The following SEZ6 variants were observed in gnomAD, a reference collection of about 807,000 sequenced individuals.
SEZ6 encodes seizure related 6 homolog, also known as seizure protein 6 homolog.
A neutral mutation model predicts 101.0 loss-of-function variants in SEZ6; 53 were observed. The observed-to-expected ratio is 0.52, with a 90% CI of 0.42 to 0.66. The LOEUF (loss-of-function observed/expected upper bound fraction) is 0.66. Among genes scored for constraint, SEZ6 ranks in the 30% least tolerant of loss-of-function variants. SEZ6 has a pLI of 0.00. For missense variants in SEZ6, 1,102 were observed against 1,289.4 expected, an observed-to-expected ratio of 0.85 and a Z score of 2.23; for synonymous variants, 488 against 512.2, an observed-to-expected ratio of 0.95 and a Z score of 0.64.
At chr17:28,964,966 G>A (rs1395400510) in intron 4 of SEZ6, among the ~76,000 whole-genome samples, 1 of 152,114 alleles carries the variant, frequency 6.6e-6, no homozygotes, top group Admixed American at 6.5e-5. Context: ...TGAGGCAGGA[G>A]AATCGCTTGA....
At position 28,957,172 on chromosome 17, in the gene SEZ6, T is replaced by C. The variant is rs1567980698; in HGVS notation, c.2565A>G (p.Leu855=). The C allele has an allele frequency of 6.2e-7, 1 of 1,613,934 alleles. No individual in the cohort carries two copies. Among genetic ancestry groups the C allele is most frequent in the Non-Finnish European group, 8.5e-7 (1 of 1,179,858 alleles). ...ENGARSPEKQ[L]HPAGATIHFS... ...AGTGGATGGTGGCCCCTGCTGGGTG[T>C]AGCTGCTTCTCAGGACTTCGGGCAC... The change falls in exon 13 of 17, where the codon CTA becomes CTG. Residue 855 remains leucine (L), a synonymous_variant. Coordinates refer to ENST00000317338, the MANE Select transcript of SEZ6 (RefSeq NM_178860.5).
chr17:28,998,857 G>A (rs1326068871), intron 1 of SEZ6, among the ~76,000 whole-genome samples: 2 of 152,226 alleles, frequency 1.3e-5, no homozygotes, highest in Non-Finnish European at 2.9e-5. Flanking sequence ...GAGGCCTTGA[G>A]CGGTCCCTGG....
intron 1 of SEZ6, among the ~76,000 whole-genome samples, chr17:29,000,316 G>A (rs1366453177): frequency 1.3e-5 from 2 of 152,168 alleles, no homozygotes; most frequent in Admixed American, 6.5e-5. Context: ...CTACTTACTG[G>A]CTGTACAGCC....
At position 28,956,761 on chromosome 17, in the gene SEZ6, G is replaced by C; in HGVS notation, c.2693-4C>G. On this transcript the variant is annotated splice_region_variant and splice_polypyrimidine_tract_variant and intron_variant, in intron 13 of 16. Transcript: ENST00000317338. ...TTGTAGAACCCATCCAGAGAGGCTG[G>C]AACAAAAGGGGAGGGCCAAGGGCAG... The C allele has an allele frequency of 6.4e-7, 1 of 1,562,290 alleles. No individual in the cohort carries two copies. The highest frequency in any genetic ancestry group is 1.2e-5 in the South Asian group (1 of 84,574).
rs2041023774 is a variant in SEZ6, at chr17:28,963,950, C to T, written c.1240+12G>A. 1 of 1,521,946 alleles carries T rather than the reference C, an allele frequency of 6.6e-7. No homozygotes were observed. Among genetic ancestry groups the T allele is most frequent in the East Asian group, 2.3e-5 (1 of 43,512 alleles). The allele number at this position is 1,521,946 out of a possible 1,614,324, so 94.3% of individuals were successfully genotyped here. On this transcript the variant is annotated intron_variant, in intron 5 of 16. Transcript: ENST00000317338. ...TCTGCTCAGCACTGAGCCCTTTCCC[C>T]TGGGCACTCACCGATGCAGACGGGC...
intron 1 of SEZ6, among the ~76,000 whole-genome samples, chr17:28,998,294 C>T (rs2041569422): frequency 6.6e-6 from 1 of 151,998 alleles, no homozygotes; most frequent in South Asian, 2.1e-4. Context: ...CTCCCAGACT[C>T]ATGACCAGTT....
intron 1 of SEZ6, among the ~76,000 whole-genome samples, chr17:28,991,350 G>T (rs985472035): frequency 3.2e-4 from 49 of 151,902 alleles, no homozygotes; most frequent in African/African-American, 1.1e-3. Context: ...GATTGCAGGC[G>T]CCCGCCACTA....
rs2041683521 is a variant in SEZ6 at position 29,005,874 on chromosome 17, C to T, written c.-5G>A. 1 of 1,455,242 alleles carries T rather than the reference C, an allele frequency of 6.9e-7. No individual in the cohort carries two copies. Among genetic ancestry groups the T allele is most frequent in the Admixed American group, 2.3e-5 (1 of 44,226 alleles). 90.1% of individuals were successfully genotyped at this position (1,455,242 alleles called of 1,614,324 possible). On this transcript the variant is annotated 5_prime_UTR_variant, in exon 1 of 17. Transcript: ENST00000317338. This position sits in a 1 kb window ranked among gnomAD's most constrained non-coding sequence, Gnocchi z 4.8. ...CAGCAGGGCTACCGGGCGCATGGTGCTGGTTGCGGCCGCGCCCTGGGCTGG... is the reference window on the plus strand; with the variant it reads ...CAGCAGGGCTACCGGGCGCATGGTGTTGGTTGCGGCCGCGCCCTGGGCTGG...
In SEZ6 at chr17:28,959,516, A is replaced by G. The variant is rs572615749; in HGVS notation, c.1772-44T>C. On this transcript the variant is annotated intron_variant, in intron 8 of 16. Coordinates refer to ENST00000317338, the MANE Select transcript of SEZ6 (RefSeq NM_178860.5). This position sits in a 1 kb window ranked among gnomAD's most constrained non-coding sequence, Gnocchi z 4.4. ...CCAGAAGGGTCTTTTCAAGCTTACC[A>G]TGGTGTTGCTTACCATCTGCCCGCA... 3.8e-6 allele frequency: 6 copies of G among 1,599,780 alleles called. No homozygotes were observed. Among genetic ancestry groups the G allele is most frequent in the Admixed American group, 3.3e-5 (2 of 59,770 alleles).
chr17:28,965,819 G>T (rs1217150326), intron 4 of SEZ6, among the ~76,000 whole-genome samples: 1 of 152,110 alleles, frequency 6.6e-6, no homozygotes, highest in Non-Finnish European at 1.5e-5. Flanking sequence ...GGCATATCCC[G>T]ATCCTGGGGT....
intron 3 of SEZ6, among the ~76,000 whole-genome samples, chr17:28,971,562 C>T (rs2041152242): frequency 6.6e-6 from 1 of 151,946 alleles, no homozygotes; most frequent in Admixed American, 6.6e-5. Flanking sequence ...CATTGCACTC[C>T]AGCCTGGACA....
intron 1 of SEZ6, among the ~76,000 whole-genome samples, chr17:28,995,860 T>TG (rs2041529889): frequency 6.6e-6 from 1 of 152,094 alleles, no homozygotes; most frequent in African/African-American, 2.4e-5. Context: ...CCTGAAGCCC[T>TG]GCTGGGGAGT....
intron 1 of SEZ6, among the ~76,000 whole-genome samples, chr17:28,993,521 G>A (rs902206068): frequency 2.0e-5 from 3 of 152,208 alleles, no homozygotes; most frequent in South Asian, 2.1e-4. Context: ...CTGGGACAAG[G>A]AAGGATGTGG....
intron 4 of SEZ6, among the ~76,000 whole-genome samples, chr17:28,969,444 G>A (rs886658847): frequency 6.6e-6 from 1 of 152,196 alleles, no homozygotes; most frequent in Non-Finnish European, 1.5e-5. Flanking sequence ...GCACAAGCCT[G>A]GCAAAGAGCA....
chr17:28,986,348 C>T (rs988072775), intron 1 of SEZ6, among the ~76,000 whole-genome samples: 3 of 152,240 alleles, frequency 2.0e-5, no homozygotes, highest in African/African-American at 7.2e-5. Flanking sequence ...CCCCGCCTCA[C>T]TTCCCAGGGC....
chr17:28,998,043 G>T (rs576294581), intron 1 of SEZ6, among the ~76,000 whole-genome samples: 31 of 152,122 alleles, frequency 2.0e-4, no homozygotes, highest in African/African-American at 6.7e-4. Flanking sequence ...GGCTGCCTGG[G>T]GGACAAAGGA....
chr17:28,988,873 T>C (rs1015928626), intron 1 of SEZ6, among the ~76,000 whole-genome samples: 1 of 152,072 alleles, frequency 6.6e-6, no homozygotes, highest in African/African-American at 2.4e-5. Context: ...TGGGGCAGGG[T>C]TGGGACTCAG....
At chr17:29,000,160 T>C (rs2041596030) in intron 1 of SEZ6, among the ~76,000 whole-genome samples, 1 of 152,224 alleles carries the variant, frequency 6.6e-6, no homozygotes, top group Non-Finnish European at 1.5e-5. Context: ...TGTTTGCTAT[T>C]ATTGTTGTTG....
chr17:28,965,074 G>A (rs185785449), intron 4 of SEZ6, among the ~76,000 whole-genome samples: 47 of 142,526 alleles, frequency 3.3e-4, no homozygotes, highest in African/African-American at 1.1e-3. Context: ...ACAAACAGCC[G>A]GGAGTGGTGG....
Sources: gnomAD v4.1 joint callset for allele counts (sites outside exome capture counted in the v4.1 genomes callset) on GRCh38, gnomAD v4.1.1 for gene constraint, Gnocchi (gnomAD v3.1) non-coding constraint, MANE v1.5 for transcripts, NCBI Gene and HGNC (gene_info 2026-07-23, HGNC 2026-07-21) for gene names.